DNAAF9: variants seen among roughly 807,000 people sequenced by gnomAD.
DNAAF9 encodes shulin.
Under a neutral mutation model 167.0 loss-of-function variants are expected in DNAAF9, and 90 were observed. That is an observed-to-expected ratio of 0.54 (90% CI 0.45 to 0.64). The LOEUF (loss-of-function observed/expected upper bound fraction) is 0.64, where lower values mean the gene tolerates loss of function less well. DNAAF9 is among the 30% of genes least tolerant of loss of function. The pLI is 0.00. For missense variants in DNAAF9, 1,315 were observed against 1,442.2 expected, an observed-to-expected ratio of 0.91 and a Z score of 1.43; for synonymous variants, 491 against 508.8, an observed-to-expected ratio of 0.96 and a Z score of 0.47.
At chr20:3,256,241 G>C (rs1357989247) in intron 33 of DNAAF9, 30 bp from the exon 34 acceptor site, 2 of 1,504,878 alleles carry the variant, frequency 1.3e-6, no homozygotes, top group Non-Finnish European at 1.9e-6. Context: ...TAGTCCCTGA[G>C]AGCCTGCCTT....
At chr20:3,377,460 TTTTC>T (rs1371960371) in intron 3 of DNAAF9, among the ~76,000 whole-genome samples, 16 of 151,404 alleles carry the variant, frequency 1.1e-4, no homozygotes, top group Admixed American at 7.2e-4. Flanking sequence ...TTAAGATCTG[TTTTC>T]TTTCTTTTTT....
rs1384667009 is a variant in DNAAF9, at chr20:3,315,725, G to T, written c.1590+10C>A. 1.2e-6 allele frequency: 2 copies of T among 1,605,114 alleles called. No homozygotes were observed. ...ATAATGTTCACACTGAGAATAAGAA[G>T]GCTGCTTACCCTCACTGCTTGCTGG... On this transcript the variant is annotated intron_variant, in intron 19 of 36. Coordinates refer to ENST00000252032, the MANE Select transcript of DNAAF9 (RefSeq NM_001009984.3). The surrounding 1 kb of genome is among the most constrained non-coding windows in gnomAD (Gnocchi z 4.1).
chr20:3,263,871 GA>G (rs542507522), intron 31 of DNAAF9, among the ~76,000 whole-genome samples: 102 of 152,332 alleles, frequency 6.7e-4, no homozygotes, highest in African/African-American at 2.3e-3. Context: ...GCCATATAGA[GA>G]GTGGAGTCTT....
chr20:3,379,410 A>G (rs1009255539), intron 3 of DNAAF9, among the ~76,000 whole-genome samples: 8 of 152,126 alleles, frequency 5.3e-5, no homozygotes, highest in Non-Finnish European at 1.2e-4. Flanking sequence ...CCTGGCCAAC[A>G]TGGTGAAATC....
At chr20:3,297,095 G>T in intron 22 of DNAAF9, 146 bp from the exon 23 acceptor site, 1 of 625,930 alleles carries the variant, frequency 1.6e-6, no homozygotes, top group Non-Finnish European at 2.8e-6. Context: ...CAAAAATAGA[G>T]GCCTGAAGCA....
chr20:3,384,997 G>A (rs1206331925), intron 1 of DNAAF9, among the ~76,000 whole-genome samples: 1 of 151,508 alleles, frequency 6.6e-6, no homozygotes, highest in Non-Finnish European at 1.5e-5. Context: ...GAAAATGTGT[G>A]TCTCTATTAT....
In DNAAF9 at chr20:3,249,935, A is replaced by C. The variant is rs892101261; in HGVS notation, c.*2637T>G. On this transcript the variant is annotated 3_prime_UTR_variant, in exon 37 of 37. Transcript: ENST00000252032. Reference sequence around the variant, plus strand: ...GCCAACGGCCCTTCCCTAGGATAATAATCCCATTTCCTCCAATTTCTGTCT... The same window carrying C: ...GCCAACGGCCCTTCCCTAGGATAATCATCCCATTTCCTCCAATTTCTGTCT... 3 of 152,152 alleles carry C rather than the reference A, an allele frequency of 2.0e-5. No homozygotes were observed. Among genetic ancestry groups the C allele is most frequent in the African/African-American group, 4.8e-5 (2 of 41,434 alleles). 9.4% of individuals were successfully genotyped at this position (152,152 alleles called of 1,614,324 possible). A position where few individuals can be genotyped will look rare whatever the true frequency, so the allele number is the denominator to read the frequency against.
intron 14 of DNAAF9, 39 bp from the exon 15 acceptor site, chr20:3,322,735 C>T (rs1766777692): frequency 2.0e-6 from 3 of 1,481,534 alleles, no homozygotes; most frequent in Non-Finnish European, 2.8e-6. Flanking sequence ...AATCAGTCTG[C>T]TCCTGCTCCT....
intron 29 of DNAAF9, among the ~76,000 whole-genome samples, chr20:3,275,638 G>A (rs2068664061): frequency 6.6e-6 from 1 of 152,224 alleles, no homozygotes; most frequent in South Asian, 2.1e-4. Flanking sequence ...CTGCCAAGAG[G>A]AAATGCCATC....
intron 33 of DNAAF9, among the ~76,000 whole-genome samples, chr20:3,259,049 A>G (rs1209706008): frequency 6.6e-6 from 1 of 152,204 alleles, no homozygotes; most frequent in African/African-American, 2.4e-5. Flanking sequence ...CCTCAGGCCT[A>G]CTAGTCAGAA....
chr20:3,336,300 T>C (rs1353901174), intron 10 of DNAAF9, among the ~76,000 whole-genome samples: 1 of 127,186 alleles, frequency 7.9e-6, no homozygotes, highest in African/African-American at 2.9e-5. Flanking sequence ...AATTTCAACC[T>C]TTATTTCTTC....
At chr20:3,401,001 TC>T (rs927393058) in intron 1 of DNAAF9, among the ~76,000 whole-genome samples, 3 of 152,188 alleles carry the variant, frequency 2.0e-5, no homozygotes, top group Admixed American at 6.5e-5. Flanking sequence ...TTTCAGGTAT[TC>T]CAGGGCATTG....
In DNAAF9 at chr20:3,303,962, C is replaced by A. The variant is rs145280228; in HGVS notation, c.1782+478G>T. ...TGAGGGAGGAGGGGCTAAACTCTCA[C>A]GGGGAAAGTGAGCCATTTCTCTCCC... On this transcript the variant is annotated intron_variant, in intron 21 of 36. Transcript: ENST00000252032. Among the ~76,000 whole-genome samples the A allele has an allele frequency of 2.2e-3, 331 of 152,302 alleles. 2 individuals are homozygous for A. The highest frequency in any genetic ancestry group is 2.5e-3 in the Non-Finnish European group (173 of 68,018).
chr20:3,357,932 C>A (rs2083310524), intron 7 of DNAAF9, among the ~76,000 whole-genome samples: 1 of 152,080 alleles, frequency 6.6e-6, no homozygotes, highest in South Asian at 2.1e-4. Flanking sequence ...ATCACTTGAG[C>A]TCAGGAGTTC....
intron 1 of DNAAF9, among the ~76,000 whole-genome samples, chr20:3,406,329 T>C (rs1287324681): frequency 1.3e-5 from 2 of 152,330 alleles, no homozygotes; most frequent in East Asian, 3.9e-4. Context: ...TGTTTTAACA[T>C]GTAGATTGGC....
intron 1 of DNAAF9, among the ~76,000 whole-genome samples, chr20:3,399,128 C>T (rs1014148608): frequency 6.6e-6 from 1 of 152,170 alleles, no homozygotes; most frequent in Admixed American, 6.5e-5. Flanking sequence ...ATTAGTAATC[C>T]TAAGCAATGT....
chr20:3,314,084 T>G (rs2236111), intron 20 of DNAAF9, among the ~76,000 whole-genome samples: 39,360 of 152,090 alleles, frequency 0.26, 5,338 homozygotes, highest in East Asian at 0.38. Flanking sequence ...TGCAGGCAGA[T>G]GACTTGTCTC....
intron 6 of DNAAF9, among the ~76,000 whole-genome samples, chr20:3,371,517 G>C (rs928758187): frequency 6.6e-6 from 1 of 151,494 alleles, no homozygotes; most frequent in Non-Finnish European, 1.5e-5. Context: ...CTAATTTTTT[G>C]TATTTTTAGT....
intron 8 of DNAAF9, among the ~76,000 whole-genome samples, chr20:3,344,604 C>T (rs947391852): frequency 5.5e-5 from 5 of 90,368 alleles, no homozygotes; most frequent in African/African-American, 2.1e-4. Flanking sequence ...CACACACACA[C>T]ACACACACAC....
Sources: gnomAD v4.1 joint callset for allele counts (sites outside exome capture counted in the v4.1 genomes callset) on GRCh38, gnomAD v4.1.1 for gene constraint, Gnocchi (gnomAD v3.1) non-coding constraint, MANE v1.5 for transcripts, NCBI Gene and HGNC (gene_info 2026-07-23, HGNC 2026-07-21) for gene names.